GPC6: variants seen among roughly 807,000 people sequenced by gnomAD.
GPC6 encodes glypican-6.
Under a neutral mutation model 55.2 loss-of-function variants are expected in GPC6, and 14 were observed. The ratio of observed to expected loss-of-function variants is 0.25; its 90% confidence interval spans 0.17 to 0.40. The LOEUF (loss-of-function observed/expected upper bound fraction) is 0.40, where lower values mean the gene tolerates loss of function less well. GPC6 is among the 10% of genes least tolerant of loss of function. GPC6 has a pLI of 1.00. For synonymous variants in GPC6, 278 were observed against 259.6 expected (o/e 1.07, Z -0.68); for missense variants, 641 against 708.5 (o/e 0.90, Z 1.08).
intron 2 of GPC6, among the ~76,000 whole-genome samples, chr13:93,571,043 A>T (rs905107039): frequency 3.9e-5 from 6 of 152,016 alleles, no homozygotes; most frequent in Non-Finnish European, 5.9e-5. Context: ...ATATATATAT[A>T]TTTTTTAATT....
chr13:93,333,854 T>A (rs1879946834), intron 1 of GPC6, among the ~76,000 whole-genome samples: 1 of 152,100 alleles, frequency 6.6e-6, no homozygotes, highest in South Asian at 2.1e-4. Context: ...CGCTACTGAT[T>A]TTTCTATGTT....
intron 2 of GPC6, among the ~76,000 whole-genome samples, chr13:93,660,522 A>G (rs914285872): frequency 6.6e-6 from 1 of 152,208 alleles, no homozygotes; most frequent in African/African-American, 2.4e-5. Context: ...TAGTTTTTTA[A>G]AAAAATCATG....
chr13:93,959,795 C>T (rs1879683212), intron 3 of GPC6, among the ~76,000 whole-genome samples: 1 of 152,050 alleles, frequency 6.6e-6, no homozygotes, highest in Non-Finnish European at 1.5e-5. Flanking sequence ...TCACAATAAC[C>T]CTATGATCCA....
chr13:93,710,457 G>C (rs2138807641), intron 2 of GPC6, among the ~76,000 whole-genome samples: 1 of 151,826 alleles, frequency 6.6e-6, no homozygotes, highest in South Asian at 2.1e-4. Context: ...TAGTGAATCA[G>C]GCAGATATGA....
rs957071354 is a variant in GPC6, at chr13:94,406,244, A to G, written c.*3027A>G. 9.2e-5 allele frequency: 14 copies of G among 152,170 alleles called. No individual in the cohort carries two copies. The highest frequency in any genetic ancestry group is 7.2e-4 in the Admixed American group (11 of 15,274). 9.4% of individuals were successfully genotyped at this position (152,170 alleles called of 1,614,324 possible). A position where few individuals can be genotyped will look rare whatever the true frequency, so the allele number is the denominator to read the frequency against. On this transcript the variant is annotated 3_prime_UTR_variant, in exon 9 of 9. Coordinates refer to ENST00000377047, the MANE Select transcript of GPC6 (RefSeq NM_005708.5). ...TTTCTAACAGAAATACACGTCTGTA[A>G]TTGGTATATATTATACTTTGTATGT...
chr13:94,220,695 T>A (rs908681717), intron 4 of GPC6, among the ~76,000 whole-genome samples: 2 of 152,084 alleles, frequency 1.3e-5, no homozygotes, highest in African/African-American at 4.8e-5. Context: ...GCCTCTCTTC[T>A]AGTGATTGGT....
At chr13:94,121,915 T>C (rs1404625714) in intron 4 of GPC6, among the ~76,000 whole-genome samples, 1 of 152,112 alleles carries the variant, frequency 6.6e-6, no homozygotes, top group Admixed American at 6.6e-5. Flanking sequence ...CATTCCATGC[T>C]TCAGCACAAC....
chr13:93,855,192 CT>C (rs1888557189), intron 3 of GPC6, among the ~76,000 whole-genome samples: 1 of 151,620 alleles, frequency 6.6e-6, no homozygotes, highest in African/African-American at 2.4e-5. Flanking sequence ...TCTCTCCATC[CT>C]TACTAATCCC....
At chr13:93,734,696 C>T (rs1257140432) in intron 2 of GPC6, among the ~76,000 whole-genome samples, 2 of 151,824 alleles carry the variant, frequency 1.3e-5, no homozygotes, top group Non-Finnish European at 2.9e-5. Flanking sequence ...TTAATATATC[C>T]AAAAATAAGC....
At chr13:93,806,326 A>G (rs1045846954) in intron 2 of GPC6, among the ~76,000 whole-genome samples, 10 of 151,934 alleles carry the variant, frequency 6.6e-5, no homozygotes, top group Non-Finnish European at 2.9e-5. Flanking sequence ...TTCACTTGCC[A>G]CAATTTTATT....
At chr13:93,340,952 CT>C (rs1333217201) in intron 1 of GPC6, among the ~76,000 whole-genome samples, 1 of 152,074 alleles carries the variant, frequency 6.6e-6, no homozygotes, top group Non-Finnish European at 1.5e-5. Context: ...AAATTTCCCC[CT>C]GGAGTCCTTT....
chr13:93,376,586 C>G (rs1401135854), intron 1 of GPC6, among the ~76,000 whole-genome samples: 1 of 152,150 alleles, frequency 6.6e-6, no homozygotes. Context: ...AACAGTAAGA[C>G]AGACAAGGCT....
chr13:93,945,914 A>G (rs1878986391), intron 3 of GPC6, among the ~76,000 whole-genome samples: 1 of 152,238 alleles, frequency 6.6e-6, no homozygotes, highest in Non-Finnish European at 1.5e-5. Context: ...CAATGATATC[A>G]GTCACTACTG....
chr13:94,280,753 AGATCGGTAAGAGTAGGT>A (rs1566629185), intron 4 of GPC6, among the ~76,000 whole-genome samples: 2 of 152,180 alleles, frequency 1.3e-5, no homozygotes, highest in African/African-American at 4.8e-5. Context: ...TACATGCAGC[AGATCGGTAAGAGTAGGT>A]GAGCATTGCT....
At chr13:93,479,214 G>A (rs534496655) in intron 1 of GPC6, among the ~76,000 whole-genome samples, 2 of 152,110 alleles carry the variant, frequency 1.3e-5, no homozygotes, top group East Asian at 1.9e-4. Context: ...TCTCTTTTTA[G>A]GATAGTTCCT....
At chr13:93,635,232 G>C (rs1215238394) in intron 2 of GPC6, among the ~76,000 whole-genome samples, 1 of 151,770 alleles carries the variant, frequency 6.6e-6, no homozygotes, top group Non-Finnish European at 1.5e-5. Flanking sequence ...CAATTTGTAG[G>C]AACAGTCTTA....
chr13:94,104,096 A>C (rs1240889739), intron 4 of GPC6, among the ~76,000 whole-genome samples: 1 of 152,192 alleles, frequency 6.6e-6, no homozygotes, highest in African/African-American at 2.4e-5. Context: ...TCAGCTTTCT[A>C]CATATGGCTA....
chr13:94,323,837 ACT>A (rs1340577817), intron 6 of GPC6, among the ~76,000 whole-genome samples: 1 of 152,028 alleles, frequency 6.6e-6, no homozygotes, highest in Non-Finnish European at 1.5e-5. Context: ...TTATTCAGTG[ACT>A]CTTCAACTCA....
At chr13:93,638,450 C>T (rs1216232465) in intron 2 of GPC6, among the ~76,000 whole-genome samples, 1 of 152,032 alleles carries the variant, frequency 6.6e-6, no homozygotes, top group South Asian at 2.1e-4. Flanking sequence ...AAACTGTTTT[C>T]ACTTAATTTA....
Sources: gnomAD v4.1 joint callset for allele counts (sites outside exome capture counted in the v4.1 genomes callset) on GRCh38, gnomAD v4.1.1 for gene constraint, MANE v1.5 for transcripts, NCBI Gene and HGNC (gene_info 2026-07-23, HGNC 2026-07-21) for gene names.